The following ERGIC1 variants were observed in gnomAD, a reference collection of about 807,000 sequenced individuals.
ERGIC1 encodes the protein endoplasmic reticulum-golgi intermediate compartment 1.
A neutral mutation model predicts 38.3 loss-of-function variants in ERGIC1; 19 were observed. The observed-to-expected ratio is 0.50, with a 90% CI of 0.35 to 0.73. The LOEUF is 0.73. ERGIC1 is among the 30% of genes least tolerant of loss of function. The probability of loss-of-function intolerance (pLI) is 0.01; values close to 1 mark genes in which losing one functional copy is unlikely to be tolerated. For missense variants in ERGIC1, 294 were observed against 389.2 expected, an observed-to-expected ratio of 0.76 and a Z score of 2.06; for synonymous variants, 124 against 157.6, an observed-to-expected ratio of 0.79 and a Z score of 1.60.
chr5:172,937,203 G>A (rs1162496547), intron 9 of ERGIC1: 3 of 152,154 alleles, frequency 2.0e-5, no homozygotes, highest in African/African-American at 4.8e-5. Flanking sequence ...AAATGGGAAA[G>A]GGGTAGCCTT....
At chr5:172,849,623 G>C (rs1761355349) in intron 1 of ERGIC1, among the ~76,000 whole-genome samples, 1 of 152,218 alleles carries the variant, frequency 6.6e-6, no homozygotes, top group Non-Finnish European at 1.5e-5. Flanking sequence ...CACACCTGCA[G>C]GAATGCAGCT....
At chr5:172,842,698 G>A (rs1414587852) in intron 1 of ERGIC1, among the ~76,000 whole-genome samples, 2 of 152,144 alleles carry the variant, frequency 1.3e-5, no homozygotes, top group African/African-American at 4.8e-5. Context: ...TCTGGTAATA[G>A]CCATCCTAAC....
chr5:172,929,885 G>A (rs910392370), intron 7 of ERGIC1, among the ~76,000 whole-genome samples: 4 of 152,124 alleles, frequency 2.6e-5, no homozygotes, highest in African/African-American at 9.7e-5. Context: ...TGATCATGAT[G>A]TTCAGTTCTT....
chr5:172,850,085 G>A (rs1357439667), intron 1 of ERGIC1, among the ~76,000 whole-genome samples: 7 of 152,066 alleles, frequency 4.6e-5, no homozygotes, highest in Non-Finnish European at 1.0e-4. Context: ...AAGCTGGAAG[G>A]GTCCCAGGAT....
At chr5:172,902,930 G>A (rs1019309084) in intron 3 of ERGIC1, among the ~76,000 whole-genome samples, 3 of 152,082 alleles carry the variant, frequency 2.0e-5, no homozygotes, top group Non-Finnish European at 4.4e-5. Flanking sequence ...TCATGCCTCA[G>A]ACTAGAATTT....
chr5:172,839,177 G>A (rs1308652832), intron 1 of ERGIC1, among the ~76,000 whole-genome samples: 1 of 150,178 alleles, frequency 6.7e-6, no homozygotes, highest in African/African-American at 2.5e-5. Flanking sequence ...GGAGACGGAG[G>A]TTGCAGTGAA....
At chr5:172,852,816 C>T (rs919551086) in intron 1 of ERGIC1, among the ~76,000 whole-genome samples, 33 of 152,244 alleles carry the variant, frequency 2.2e-4, no homozygotes, top group African/African-American at 7.5e-4. Context: ...CGCAGCCATG[C>T]GACGTGCTCA....
intron 1 of ERGIC1, among the ~76,000 whole-genome samples, chr5:172,862,523 TGAA>T (rs1761740530): frequency 6.6e-6 from 1 of 152,114 alleles, no homozygotes; most frequent in Non-Finnish European, 1.5e-5. Context: ...CCCTTTTCCT[TGAA>T]GAATTCTCCA....
intron 9 of ERGIC1, among the ~76,000 whole-genome samples, chr5:172,948,006 A>G (rs1001613996): frequency 6.6e-6 from 1 of 152,012 alleles, no homozygotes; most frequent in African/African-American, 2.4e-5. Context: ...AAAATCTCCC[A>G]TCATCTGATC....
At chr5:172,894,554 G>A (rs1465453569) in intron 2 of ERGIC1, among the ~76,000 whole-genome samples, 3 of 152,178 alleles carry the variant, frequency 2.0e-5, no homozygotes, top group Non-Finnish European at 2.9e-5. Context: ...GTCTCAGGGT[G>A]GTTGGAGAGA....
chr5:172,912,389 G>GTGTTT (rs973805012), intron 4 of ERGIC1, among the ~76,000 whole-genome samples: 2 of 152,118 alleles, frequency 1.3e-5, no homozygotes, highest in African/African-American at 2.4e-5. Flanking sequence ...TGTTTAAATG[G>GTGTTT]TGTTTTGTTT....
chr5:172,853,843 A>G (rs1006256369), intron 1 of ERGIC1, among the ~76,000 whole-genome samples: 3 of 152,210 alleles, frequency 2.0e-5, no homozygotes, highest in African/African-American at 7.2e-5. Context: ...CCCACCTCCA[A>G]GGGGCCTGGT....
chr5:172,895,407 C>A (rs905577345), intron 2 of ERGIC1, among the ~76,000 whole-genome samples: 15 of 152,130 alleles, frequency 9.9e-5, no homozygotes, highest in African/African-American at 3.1e-4. Flanking sequence ...CCAGCGCAGT[C>A]CTTAGTGAGC....
At chr5:172,894,121 T>G in intron 2 of ERGIC1, among the ~76,000 whole-genome samples, 1 of 127,900 alleles carries the variant, frequency 7.8e-6, no homozygotes, top group Non-Finnish European at 1.6e-5. Flanking sequence ...TGTCTTATGG[T>G]GCTGATGATA....
At position 172,952,520 on chromosome 5, in the gene ERGIC1, G is replaced by GAAAAAAA. The variant is rs67143107; in HGVS notation, c.*1711_*1717dup. The GAAAAAAA allele has an allele frequency of 8.6e-6, 1 of 115,750 alleles. No homozygotes were observed. The highest frequency in any genetic ancestry group is 4.8e-5 in the African/African-American group (1 of 20,952). The allele number at this position is 115,750 out of a possible 1,614,324, so 7.2% of individuals were successfully genotyped here. A position where few individuals can be genotyped will look rare whatever the true frequency, so the allele number is the denominator to read the frequency against. ...AAATTCTTTTATGCATTTTTTTGAA[G>GAAAAAAA]AAAAAAAAAAAAACAACTCTGAGGA... On this transcript the variant is annotated 3_prime_UTR_variant, in exon 10 of 10. Transcript: ENST00000393784.
At chr5:172,912,220 A>G (rs1032752758) in intron 4 of ERGIC1, among the ~76,000 whole-genome samples, 23 of 151,794 alleles carry the variant, frequency 1.5e-4, no homozygotes, top group African/African-American at 5.6e-4. Context: ...ATCCACTGGG[A>G]TTTGAGGTAT....
At chr5:172,889,507 G>A (rs777886285) in intron 2 of ERGIC1, among the ~76,000 whole-genome samples, 8 of 152,150 alleles carry the variant, frequency 5.3e-5, no homozygotes, top group Non-Finnish European at 7.3e-5. Flanking sequence ...TTCAGGGCTA[G>A]GCAGGGTAAA....
intron 2 of ERGIC1, among the ~76,000 whole-genome samples, chr5:172,893,920 T>TATATATATACAC: frequency 1.2e-5 from 1 of 85,572 alleles, no homozygotes; most frequent in African/African-American, 4.4e-5. Context: ...TGTGTGTGTG[T>TATATATATACAC]GTGTGTGTGT....
chr5:172,880,465 A>G (rs1452541835), intron 1 of ERGIC1, among the ~76,000 whole-genome samples: 1 of 151,760 alleles, frequency 6.6e-6, no homozygotes, highest in Non-Finnish European at 1.5e-5. Context: ...AGCTGGGACT[A>G]CAGGCGACCA....
Sources: allele counts gnomAD v4.1 joint callset (sites outside exome capture counted in the v4.1 genomes callset), GRCh38; gene constraint gnomAD v4.1.1; transcripts MANE v1.5; gene names NCBI Gene and HGNC (gene_info 2026-07-23, HGNC 2026-07-21).